Variants in IQSEC1 observed in about 807,000 individuals in gnomAD.
The protein encoded by IQSEC1 is IQ motif and Sec7 domain ArfGEF 1, also known as IQ motif and SEC7 domain-containing protein 1.
A neutral mutation model predicts 91.0 loss-of-function variants in IQSEC1; 31 were observed. The ratio of observed to expected loss-of-function variants is 0.34; its 90% CI spans 0.26 to 0.46. The LOEUF is 0.46. Among genes scored for constraint, IQSEC1 ranks in the 20% least tolerant of loss-of-function variants. IQSEC1 has a pLI of 1.00. For missense variants in IQSEC1, 1,388 were observed against 1,575.6 expected (o/e 0.88, Z 2.02); for synonymous variants, 699 against 662.6 (o/e 1.05, Z -0.84).
intron 1 of IQSEC1, among the ~76,000 whole-genome samples, chr3:13,026,701 G>A (rs1297259015): frequency 2.0e-5 from 3 of 152,158 alleles, no homozygotes; most frequent in Non-Finnish European, 4.4e-5. Flanking sequence ...CATCCTCTCC[G>A]TTCCCTGAGC....
rs1021353226 is a variant in IQSEC1, at chr3:13,207,601, C to G, written c.273-43468G>C. On this transcript the variant is annotated intron_variant, in intron 1 of 15. Transcript: ENST00000648114. The surrounding 1 kb of genome is among the most constrained non-coding windows in gnomAD (Gnocchi z 4.8). ...GATTTGGCATCATCTGGGTCTGTCTCCTGCCCCAGCCTCTGCCCTGGCCTC... is the reference window on the plus strand; with the variant it reads ...GATTTGGCATCATCTGGGTCTGTCTGCTGCCCCAGCCTCTGCCCTGGCCTC... Among the ~76,000 whole-genome samples, 21 of 152,328 alleles carry G rather than the reference C, an allele frequency of 1.4e-4. No homozygotes were observed. The highest frequency in any genetic ancestry group is 4.8e-4 in the African/African-American group (20 of 41,570).
chr3:12,941,749 G>C lies in IQSEC1; in HGVS notation c.140C>G (p.Thr47Arg). The change falls in exon 2 of 14, where the codon ACG (threonine) becomes AGG (arginine). Residue 47 changes from threonine to arginine, a missense_variant. Physicochemically the swap from Thr to Arg is moderately conservative, Grantham distance 71. Around this residue, in one of 2 missense-constraint regions of IQSEC1, gnomAD observed 1,059 missense variants for 1,317.8 expected, o/e 0.80. Transcript: ENST00000613206. Reference sequence around the variant, plus strand: ...GTACAGCCCATAGGCTCCCACTGACGTGTGCTCGTAGTGATCCGGGCTCAG... The same window carrying C: ...GTACAGCCCATAGGCTCCCACTGACCTGTGCTCGTAGTGATCCGGGCTCAG... Reference protein sequence around the residue: ...SSLSPDHYEHTSVGAYGLYSG... With the variant: ...SSLSPDHYEHRSVGAYGLYSG... The C allele has an allele frequency of 6.2e-7, 1 of 1,612,342 alleles. No individual in the cohort carries two copies. The highest frequency in any genetic ancestry group is 8.5e-7 in the Non-Finnish European group (1 of 1,179,968).
chr3:13,046,507 G>A (rs1161232279), intron 1 of IQSEC1, among the ~76,000 whole-genome samples: 5 of 152,184 alleles, frequency 3.3e-5, no homozygotes, highest in South Asian at 2.1e-4. Context: ...ACCCTGACAC[G>A]TGGGGCCCAG....
intron 1 of IQSEC1, among the ~76,000 whole-genome samples, chr3:13,012,796 G>A (rs1416244886): frequency 6.6e-6 from 1 of 152,128 alleles, no homozygotes; most frequent in Non-Finnish European, 1.5e-5. Flanking sequence ...TCAGTTCCAG[G>A]AGGCAATGAA....
intron 2 of IQSEC1, among the ~76,000 whole-genome samples, chr3:13,127,117 A>G (rs1238774798): frequency 6.6e-6 from 1 of 152,084 alleles, no homozygotes; most frequent in East Asian, 1.9e-4. Context: ...GTGTAAGTCT[A>G]TTTCAGAGTT....
At chr3:12,921,982 AC>A (rs1696673336) in intron 5 of IQSEC1, 137 bp downstream of exon 5, 1 of 1,054,798 alleles carries the variant, frequency 9.5e-7, no homozygotes, top group Non-Finnish European at 1.3e-6. Flanking sequence ...CAGTACGATC[AC>A]CCCCAAAGCA....
intron 2 of IQSEC1, among the ~76,000 whole-genome samples, chr3:13,141,761 G>A (rs907733373): frequency 6.6e-6 from 1 of 152,156 alleles, no homozygotes; most frequent in Non-Finnish European, 1.5e-5. Context: ...TTTCAGGTGC[G>A]ACAAAGAAAG....
At chr3:12,902,397 C>A (rs750638941) in intron 13 of IQSEC1, among the ~76,000 whole-genome samples, 16 of 151,668 alleles carry the variant, frequency 1.1e-4, no homozygotes, top group Non-Finnish European at 1.5e-4. Flanking sequence ...GAGTGGGAGC[C>A]GGGTGGCCCG....
chr3:13,130,341 CAAAA>C lies in IQSEC1; in HGVS notation c.302+33759_302+33762del, dbSNP rs58162524. Among the ~76,000 whole-genome samples, 181 of 61,886 alleles carry C rather than the reference CAAAA, an allele frequency of 2.9e-3. 1 individual carries two copies. The highest frequency in any genetic ancestry group is 7.1e-3 in the African/African-American group (169 of 23,702). 40.6% of individuals were successfully genotyped at this position (61,886 alleles called of 152,430 possible). A position where few individuals can be genotyped will look rare whatever the true frequency, so the allele number is the denominator to read the frequency against. ...CCTGGGCGACAGAACGAGACTCTGT[CAAAA>C]AAAAAAAAAAAAAAAAAGAAAGAAA... On this transcript the variant is annotated intron_variant, in intron 2 of 15. Transcript: ENST00000648114.
Position 12,936,305 on chromosome 3 carries a change from G to C in IQSEC1, c.711C>G (p.Ala237=). 1.2e-6 allele frequency: 2 copies of C among 1,612,674 alleles called. No individual in the cohort carries two copies. The highest frequency in any genetic ancestry group is 1.7e-6 in the Non-Finnish European group (2 of 1,179,500). The part of the protein sequence containing the change: ...DAFSRQVKSL[A]ESIDDALNCR... ...AGTTGAGGGCATCGTCGATGGACTC[G>C]GCCAGTGATTTCACTTGCCTAGAGA... Residue 237 remains alanine (A), a synonymous_variant, in exon 3 of 14, where the codon GCC becomes GCG. Transcript: ENST00000613206.
chr3:12,951,488 G>A (rs992082210), intron 1 of IQSEC1, among the ~76,000 whole-genome samples: 1 of 152,158 alleles, frequency 6.6e-6, no homozygotes, highest in Non-Finnish European at 1.5e-5. Context: ...CATAGAGCTG[G>A]TGTAGCCAGC....
intron 2 of IQSEC1, among the ~76,000 whole-genome samples, chr3:13,147,014 A>G (rs1296915683): frequency 6.6e-6 from 1 of 152,156 alleles, no homozygotes; most frequent in Admixed American, 6.5e-5. Flanking sequence ...GCAAGTGACA[A>G]AAAGCAAAGA....
At chr3:13,059,014 T>C (rs1382693816) in intron 1 of IQSEC1, among the ~76,000 whole-genome samples, 1 of 151,912 alleles carries the variant, frequency 6.6e-6, no homozygotes, top group South Asian at 2.1e-4. Context: ...GGCATGAGAG[T>C]GGGGATGGTG....
At chr3:13,228,112 T>C (rs576329729) in intron 1 of IQSEC1, among the ~76,000 whole-genome samples, 3 of 152,302 alleles carry the variant, frequency 2.0e-5, no homozygotes, top group South Asian at 2.1e-4. Context: ...CGGCTCCTGC[T>C]GGTAAATGCA....
chr3:13,191,684 G>T (rs886884654), intron 1 of IQSEC1, among the ~76,000 whole-genome samples: 1 of 152,152 alleles, frequency 6.6e-6, no homozygotes, highest in Non-Finnish European at 1.5e-5. Context: ...AGATAAGAAA[G>T]AAACTTTTAA....
In IQSEC1 at chr3:13,282,172, A is replaced by G. The variant is rs949835723; in HGVS notation, c.272+539T>C. Among the ~76,000 whole-genome samples, 13 of 152,152 alleles carry G rather than the reference A, an allele frequency of 8.5e-5. No homozygotes were observed. In the East Asian group the frequency reaches 2.1e-3, roughly 25 times the overall value. On this transcript the variant is annotated intron_variant, in intron 1 of 15. Coordinates refer to the IQSEC1 transcript ENST00000648114. This position sits in a 1 kb window ranked among gnomAD's most constrained non-coding sequence, Gnocchi z 6.4. ...ATTAACCCCAGCCTTGAAGTAAGAG[A>G]CAGAGGCGTCCACAGAAGAGGGCTC...
At chr3:13,120,397 G>A (rs971638311) in intron 2 of IQSEC1, among the ~76,000 whole-genome samples, 1 of 152,124 alleles carries the variant, frequency 6.6e-6, no homozygotes, top group Non-Finnish European at 1.5e-5. Flanking sequence ...GGGAGACACG[G>A]GCCAAGTAGG....
chr3:13,031,409 C>T (rs1315298059), intron 1 of IQSEC1, among the ~76,000 whole-genome samples: 1 of 152,212 alleles, frequency 6.6e-6, no homozygotes, highest in Non-Finnish European at 1.5e-5. Flanking sequence ...TTGGGGCTTT[C>T]TGCAACATGG....
intron 2 of IQSEC1, among the ~76,000 whole-genome samples, chr3:13,085,689 C>A (rs1217517165): frequency 1.3e-5 from 2 of 152,192 alleles, no homozygotes; most frequent in Non-Finnish European, 2.9e-5. Flanking sequence ...CCAAAGTGAA[C>A]CCCTTGAAGC....
Sources: allele counts gnomAD v4.1 joint callset (sites outside exome capture counted in the v4.1 genomes callset), GRCh38; gene constraint gnomAD v4.1.1; regional missense constraint gnomAD v4.1.1; non-coding constraint Gnocchi (gnomAD v3.1); transcripts MANE v1.5; gene names NCBI Gene and HGNC (gene_info 2026-07-23, HGNC 2026-07-21).